Variants in ATP11C observed in about 807,000 individuals in gnomAD.
The protein encoded by ATP11C is ATPase phospholipid transporting 11C (ATP11C blood group).
Under a neutral mutation model 97.4 loss-of-function variants are expected in ATP11C, and 36 were observed. The observed-to-expected ratio is 0.37, with a 90% confidence interval of 0.28 to 0.49. The LOEUF (loss-of-function observed/expected upper bound fraction) is 0.49, where lower values mean the gene tolerates loss of function less well. Ranked by LOEUF, ATP11C falls within the 20% of genes least tolerant of loss-of-function variation. The pLI is 0.98. For missense variants in ATP11C, 730 were observed against 824.6 expected (o/e 0.89, Z 1.40); for synonymous variants, 275 against 290.9 (o/e 0.95, Z 0.56).
At chrX:139,878,268 A>AT (rs1474529942) in intron 1 of ATP11C, among the ~76,000 whole-genome samples, 8 of 111,820 alleles carry the variant, frequency 7.2e-5, no homozygotes, top group Non-Finnish European at 1.3e-4. Flanking sequence ...GTTGTACTCA[A>AT]TAATTATTGT....
intron 1 of ATP11C, among the ~76,000 whole-genome samples, chrX:139,842,085 G>A (rs2083841915): frequency 8.9e-6 from 1 of 112,493 alleles, no homozygotes; most frequent in Non-Finnish European, 1.9e-5. Flanking sequence ...AGGCTGGAGT[G>A]CAGTGGTGCA....
At chrX:139,749,394 T>A (rs183497046) in intron 24 of ATP11C, among the ~76,000 whole-genome samples, 1 of 112,276 alleles carries the variant, frequency 8.9e-6, no homozygotes, top group African/African-American at 3.2e-5. Context: ...CAATCTGCTA[T>A]AAATTAATAT....
At chrX:139,800,702 T>A (rs2082908795) in intron 7 of ATP11C, among the ~76,000 whole-genome samples, 1 of 111,832 alleles carries the variant, frequency 8.9e-6, no homozygotes, top group South Asian at 3.7e-4. Flanking sequence ...GCCTGTGACT[T>A]GTAGTTGATC....
intron 1 of ATP11C, among the ~76,000 whole-genome samples, chrX:139,903,882 G>A (rs1005018323): frequency 4.5e-5 from 5 of 110,468 alleles, no homozygotes; most frequent in Non-Finnish European, 7.6e-5. Context: ...ATAGAACACC[G>A]GTTTTCAAAT....
chrX:139,923,095 T>A (rs922205394), intron 1 of ATP11C, among the ~76,000 whole-genome samples: 1 of 111,822 alleles, frequency 8.9e-6, no homozygotes, highest in African/African-American at 3.3e-5. Context: ...CTGTTATACT[T>A]TTTTTTATAA....
chrX:139,874,065 CAG>C (rs1277535971), intron 1 of ATP11C, among the ~76,000 whole-genome samples: 3 of 94,699 alleles, frequency 3.2e-5, no homozygotes, highest in African/African-American at 4.6e-5. Context: ...TTTTTTTAAA[CAG>C]AGTCTCGCTC....
Position 139,762,063 on chromosome X carries a change from A to G in ATP11C, c.2538T>C (p.Asp846=), listed in dbSNP as rs774941155. ...AGTGTTTAAACTTTGGAACAGAATA[A>G]TCGCTATTCCTAGCTGCTTGGCGAC... ...KEGRQAARNS[D]YSVPKFKHLK... is the part of the protein sequence containing the mutation. Residue 846 remains aspartate (D), a synonymous_variant, in exon 22 of 30, where the codon GAT becomes GAC. Transcript: ENST00000682941. 5.0e-6 allele frequency: 6 copies of G among 1,208,224 alleles called. No homozygotes were observed. In the South Asian group the frequency reaches 7.1e-5, roughly 14 times the overall value.
chrX:139,817,689 C>T (rs891261007), intron 3 of ATP11C, among the ~76,000 whole-genome samples: 2 of 112,120 alleles, frequency 1.8e-5, no homozygotes, highest in African/African-American at 6.5e-5. Context: ...ATTTAGGAGG[C>T]TATTGCTGTA....
In ATP11C at chrX:139,804,359, C is replaced by CTAAGAAAAAATAAAAA. The variant is rs940675758; in HGVS notation, c.555+96_555+111dup. 4.1e-5 allele frequency: 25 copies of CTAAGAAAAAATAAAAA among 603,913 alleles called. No individual in the cohort carries two copies. In the African/African-American group the frequency reaches 5.2e-4, roughly 13 times the overall value. The allele number at this position is 603,913 out of a possible 1,213,427, so 49.8% of individuals were successfully genotyped here. A position where few individuals can be genotyped will look rare whatever the true frequency, so the allele number is the denominator to read the frequency against. ...TAACAGCTCTTTTCAAATATAAAAC[C>CTAAGAAAAAATAAAAA]TAAGAAAAAATAAAAATAAGAAAAA... is the stretch of plus-strand genomic sequence containing the variant. On this transcript the variant is annotated intron_variant, in intron 6 of 29. Coordinates refer to ENST00000682941, the MANE Select transcript of ATP11C (RefSeq NM_001353812.2).
At chrX:139,833,623 G>A (rs965936443) in intron 1 of ATP11C, among the ~76,000 whole-genome samples, 8 of 110,425 alleles carry the variant, frequency 7.2e-5, no homozygotes, top group Non-Finnish European at 9.5e-5. Context: ...CCAGAAGTTC[G>A]AGGTTACAGT....
intron 20 of ATP11C, among the ~76,000 whole-genome samples, chrX:139,764,051 A>G (rs1045972390): frequency 2.7e-5 from 3 of 112,333 alleles, no homozygotes; most frequent in African/African-American, 9.7e-5. Flanking sequence ...GGTAACATAC[A>G]TAAGGCCACC....
rs184602987 is a variant in ATP11C at position 139,871,468 on chromosome X, G to A, written c.28-44645C>T. ...AAGTGATCCGCCTACCTCGGCCTCC[G>A]AAAGTCCTGGGATTACAGGCATGAG... On this transcript the variant is annotated intron_variant, in intron 1 of 29. Coordinates refer to ENST00000682941, the MANE Select transcript of ATP11C (RefSeq NM_001353812.2). Among the ~76,000 whole-genome samples the A allele has an allele frequency of 4.6e-3, 479 of 105,134 alleles. 5 individuals are homozygous for A. The highest frequency in any genetic ancestry group is 0.015 in the African/African-American group (433 of 28,690). The allele number at this position is 105,134 out of a possible 115,157, so 91.3% of individuals were successfully genotyped here.
At chrX:139,813,365 G>A (rs1356211394) in intron 5 of ATP11C, among the ~76,000 whole-genome samples, 1 of 111,711 alleles carries the variant, frequency 9.0e-6, no homozygotes, top group African/African-American at 3.3e-5. Context: ...AGATAGTTTG[G>A]CAGTTTCTTA....
At chrX:139,764,486 T>C (rs1197217827) in intron 20 of ATP11C, among the ~76,000 whole-genome samples, 2 of 112,859 alleles carry the variant, frequency 1.8e-5, no homozygotes, top group African/African-American at 6.4e-5. Flanking sequence ...AGCTGCCCTC[T>C]TACCCTATGT....
At chrX:139,766,904 C>T (rs1345083969) in intron 20 of ATP11C, among the ~76,000 whole-genome samples, 1 of 110,760 alleles carries the variant, frequency 9.0e-6, no homozygotes, top group Non-Finnish European at 1.9e-5. Context: ...TTGTGTTAGG[C>T]CAGGGGAATT....
chrX:139,805,719 C>T (rs2083027162), intron 5 of ATP11C, among the ~76,000 whole-genome samples: 1 of 111,853 alleles, frequency 8.9e-6, no homozygotes, highest in South Asian at 3.7e-4. Context: ...GGCACACTGA[C>T]CTAGACACAC....
Position 139,853,949 on chromosome X carries a change from C to T in ATP11C, c.28-27126G>A, listed in dbSNP as rs1369016749. On this transcript the variant is annotated intron_variant, in intron 1 of 29. Transcript: ENST00000682941. The stretch of plus-strand genomic sequence containing the variant: ...CATTAACGACGGATAATTCCCTTAA[C>T]GCAGCAGGTTTCCTAACAGGGTATC... Among the ~76,000 whole-genome samples, 2 of 108,544 alleles carry T rather than the reference C, an allele frequency of 1.8e-5. 1 individual carries two copies. The allele number at this position is 108,544 out of a possible 115,157, so 94.3% of individuals were successfully genotyped here.
intron 6 of ATP11C, among the ~76,000 whole-genome samples, chrX:139,803,685 C>CTTTTTTTTTTTTTTTTTTTTTTTTT (rs140315105): frequency 7.8e-5 from 3 of 38,259 alleles, no homozygotes; most frequent in African/African-American, 3.1e-4. Flanking sequence ...TACACCCTAT[C>CTTTTTTTTTTTTTTTTTTTTTTTTT]TTTTTTTTTT....
chrX:139,742,164 G>A lies in ATP11C; in HGVS notation c.3031-1070C>T, dbSNP rs1041958732. On this transcript the variant is annotated intron_variant, in intron 26 of 29. Coordinates refer to ENST00000682941, the MANE Select transcript of ATP11C (RefSeq NM_001353812.2). ...AAGGCCAGGGGAAAAAAGGAGGGGG[G>A]AGGCGTCCATTTCAAATTGTGATAC... 3.6e-5 allele frequency among the ~76,000 whole-genome samples: 4 copies of A among 111,422 alleles called. No homozygotes were observed. In the Admixed American group the frequency reaches 3.8e-4, roughly 11 times the overall value.
Sources: allele counts gnomAD v4.1 joint callset (sites outside exome capture counted in the v4.1 genomes callset), GRCh38; gene constraint gnomAD v4.1.1; transcripts MANE v1.5; gene names NCBI Gene and HGNC (gene_info 2026-07-23, HGNC 2026-07-21).